TBCK: variants seen among roughly 807,000 people sequenced by gnomAD.
TBCK encodes the protein TBC domain-containing protein kinase-like protein.
Under a neutral mutation model 113.4 loss-of-function variants are expected in TBCK, and 99 were observed. The ratio of observed to expected loss-of-function variants is 0.87; its 90% CI spans 0.74 to 1.03. TBCK has a LOEUF of 1.03. Ranked by LOEUF, TBCK falls within the 50% of genes least tolerant of loss-of-function variation. The pLI, the probability that TBCK is intolerant of heterozygous loss-of-function variation, is 0.00. For synonymous variants in TBCK, 369 were observed against 370.8 expected (o/e 1.00, Z 0.05); for missense variants, 1,045 against 1,061.3 (o/e 0.98, Z 0.21).
At chr4:106,238,046 T>G (rs895087897) in intron 12 of TBCK, among the ~76,000 whole-genome samples, 2 of 152,094 alleles carry the variant, frequency 1.3e-5, no homozygotes, top group Non-Finnish European at 2.9e-5. Context: ...AGAAGAGTAT[T>G]TTAAATTTCA....
intron 2 of TBCK, among the ~76,000 whole-genome samples, chr4:106,300,471 T>C (rs1247240135): frequency 6.6e-6 from 1 of 152,232 alleles, no homozygotes; most frequent in Admixed American, 6.5e-5. Context: ...GTTATTACAA[T>C]ATATTTACTG....
chr4:106,234,258 C>T (rs1355635468), intron 15 of TBCK, among the ~76,000 whole-genome samples: 6 of 152,010 alleles, frequency 3.9e-5, no homozygotes, highest in Non-Finnish European at 7.4e-5. Flanking sequence ...ACCTGAAGTC[C>T]TCTTGAACTT....
chr4:106,287,153 A>AT (rs1213704752), intron 3 of TBCK, among the ~76,000 whole-genome samples: 6 of 152,072 alleles, frequency 3.9e-5, no homozygotes, highest in Non-Finnish European at 8.8e-5. Flanking sequence ...GATAACATCA[A>AT]TTTTCAGGAT....
At chr4:106,207,196 T>A (rs1755610414) in intron 20 of TBCK, among the ~76,000 whole-genome samples, 1 of 152,186 alleles carries the variant, frequency 6.6e-6, no homozygotes, top group South Asian at 2.1e-4. Context: ...AAATGTATAA[T>A]CTAGGCATCA....
At chr4:106,183,399 G>A (rs1376061864) in intron 22 of TBCK, among the ~76,000 whole-genome samples, 1 of 151,676 alleles carries the variant, frequency 6.6e-6, no homozygotes, top group Non-Finnish European at 1.5e-5. Context: ...TCCACTTCAG[G>A]TTTCTCTCTC....
chr4:106,171,252 C>T lies in TBCK; in HGVS notation c.2078G>A (p.Cys693Tyr). The change falls in exon 23 of 26, where the codon TGT becomes TAT. Residue 693 changes from cysteine to tyrosine, a missense_variant. Coordinates refer to ENST00000394708, the MANE Select transcript of TBCK (RefSeq NM_001163435.3). The part of the protein sequence containing the change: ...SDLPEIDIER[C>Y]VRESINLFCW... ...AAACAGGTTGATAGATTCTCTCACA[C>T]AGCGTTCAATGTCAATTTCTAGATA... 1 of 1,606,966 alleles carries T rather than the reference C, an allele frequency of 6.2e-7. No homozygotes were observed. Among genetic ancestry groups the T allele is most frequent in the Non-Finnish European group, 8.5e-7 (1 of 1,177,576 alleles).
At chr4:106,198,409 T>C (rs759846416) in intron 20 of TBCK, among the ~76,000 whole-genome samples, 3 of 152,116 alleles carry the variant, frequency 2.0e-5, no homozygotes, top group African/African-American at 4.8e-5. Context: ...TCCCTACACA[T>C]GTTCTACTTC....
In TBCK at chr4:106,079,424, C is replaced by A. The variant is rs113173751; in HGVS notation, c.2571+16058G>T. On this transcript the variant is annotated intron_variant, in intron 25 of 25. Transcript: ENST00000394708. Reference sequence around the variant, plus strand: ...GATATGATTGTATACCTAGAAAACCCTAGAGATGCTGCCAATAGGCTTTTA... The same window carrying A: ...GATATGATTGTATACCTAGAAAACCATAGAGATGCTGCCAATAGGCTTTTA... 3.9e-5 allele frequency among the ~76,000 whole-genome samples: 6 copies of A among 152,276 alleles called. 1 individual carries two copies. Among genetic ancestry groups the A allele is most frequent in the African/African-American group, 1.4e-4 (6 of 41,560 alleles).
intron 23 of TBCK, among the ~76,000 whole-genome samples, chr4:106,125,194 C>T (rs1388616449): frequency 6.6e-6 from 1 of 151,944 alleles, no homozygotes; most frequent in African/African-American, 2.4e-5. Flanking sequence ...AAAGCAGTTG[C>T]ACCATATGAT....
chr4:106,223,273 C>T (rs1198107532), intron 19 of TBCK, among the ~76,000 whole-genome samples: 1 of 152,120 alleles, frequency 6.6e-6, no homozygotes, highest in Admixed American at 6.6e-5. Flanking sequence ...CATATTCTCT[C>T]GCTCTCATTG....
intron 21 of TBCK, 45 bp downstream of exon 21, chr4:106,194,672 CT>C: frequency 6.7e-7 from 1 of 1,501,658 alleles, no homozygotes; most frequent in South Asian, 1.2e-5. Flanking sequence ...TCGGGCTGTC[CT>C]TTTGCTAATA....
chr4:106,286,805 A>C (rs753250085), intron 3 of TBCK, among the ~76,000 whole-genome samples: 1 of 147,602 alleles, frequency 6.8e-6, no homozygotes, highest in African/African-American at 2.5e-5. Context: ...TCAAGGCTAC[A>C]GTAAGCAGCG....
intron 3 of TBCK, among the ~76,000 whole-genome samples, chr4:106,285,548 CAA>C (rs1250580463): frequency 6.6e-6 from 1 of 151,912 alleles, no homozygotes; most frequent in African/African-American, 2.4e-5. Flanking sequence ...CCTGTCCCAC[CAA>C]AGATTTAAAA....
At chr4:106,249,625 T>C (rs1761209413) in intron 7 of TBCK, among the ~76,000 whole-genome samples, 1 of 152,146 alleles carries the variant, frequency 6.6e-6, no homozygotes, top group Non-Finnish European at 1.5e-5. Context: ...ATTTGGAAAA[T>C]GTACTTACAT....
intron 25 of TBCK, among the ~76,000 whole-genome samples, chr4:106,080,292 G>A (rs1738703965): frequency 6.6e-6 from 1 of 151,926 alleles, no homozygotes; most frequent in African/African-American, 2.4e-5. Flanking sequence ...CAAGGCTATA[G>A]TAACCCAAAC....
chr4:106,155,408 G>A (rs1056306995), intron 23 of TBCK, among the ~76,000 whole-genome samples: 6 of 151,964 alleles, frequency 3.9e-5, no homozygotes, highest in Admixed American at 2.0e-4. Context: ...CTACATTTGG[G>A]AAGTTCTCTG....
chr4:106,117,663 A>C (rs1743695504), intron 23 of TBCK, among the ~76,000 whole-genome samples: 1 of 152,198 alleles, frequency 6.6e-6, no homozygotes, highest in Non-Finnish European at 1.5e-5. Context: ...TTCAACATAA[A>C]TTTATTGAGC....
chr4:106,042,762 A>G lies in TBCK; in HGVS notation c.*3808T>C, dbSNP rs1733938961. The G allele has an allele frequency of 1.3e-5, 2 of 152,216 alleles. No individual in the cohort carries two copies. The highest frequency in any genetic ancestry group is 6.5e-5 in the Admixed American group (1 of 15,290). 9.4% of individuals were successfully genotyped at this position (152,216 alleles called of 1,614,324 possible). On this transcript the variant is annotated 3_prime_UTR_variant, in exon 26 of 26. Coordinates refer to ENST00000394708, the MANE Select transcript of TBCK (RefSeq NM_001163435.3). ...CCACTGTGTCCTCTAAAAGTTTTAT[A>G]TAATTCATTGTTTTCCTTTTAAAGT...
intron 23 of TBCK, among the ~76,000 whole-genome samples, chr4:106,130,589 T>TACACACACACACACACAC (rs70941237): frequency 1.4e-5 from 2 of 142,430 alleles, no homozygotes; most frequent in African/African-American, 2.6e-5. Context: ...TTGCGCTAAA[T>TACACACACACACACACAC]ACACACACAC....
Sources: allele counts gnomAD v4.1 joint callset (sites outside exome capture counted in the v4.1 genomes callset), GRCh38; gene constraint gnomAD v4.1.1; transcripts MANE v1.5; gene names NCBI Gene and HGNC (gene_info 2026-07-23, HGNC 2026-07-21).